The following PDXDC1 variants were observed in gnomAD, a reference collection of about 807,000 sequenced individuals.
PDXDC1 encodes pyridoxal dependent decarboxylase domain containing 1, also known as pyridoxal-dependent decarboxylase domain-containing protein 1.
In PDXDC1, 42 loss-of-function variants were observed where a neutral mutation model predicts 100.1. The observed-to-expected ratio is 0.42, with a 90% CI of 0.33 to 0.54. The LOEUF is 0.54. PDXDC1 is among the 20% of genes least tolerant of loss of function. PDXDC1 has a pLI of 0.10. For missense variants in PDXDC1, 636 were observed against 979.2 expected, an observed-to-expected ratio of 0.65 and a Z score of 4.68; for synonymous variants, 260 against 371.7, an observed-to-expected ratio of 0.70 and a Z score of 3.46.
At chr16:15,074,964 A>C in intron 16 of PDXDC1, 1 of 1,217,672 alleles carries the variant, frequency 8.2e-7, no homozygotes. Context: ...AGATAAAACA[A>C]AGAGGCTGGG....
At chr16:15,147,453 A>G in the PDXDC1 span, among the ~76,000 whole-genome samples, 4 of 152,208 alleles carry the variant, frequency 2.6e-5, no homozygotes, top group Non-Finnish European at 4.4e-5. Flanking sequence ...GTGATGAGCT[A>G]TGGAGAGACA....
At chr16:14,985,742 C>T (rs1220087072) in intron 1 of PDXDC1, among the ~76,000 whole-genome samples, 2 of 152,266 alleles carry the variant, frequency 1.3e-5, no homozygotes, top group Non-Finnish European at 2.9e-5. Context: ...TGTAATATTT[C>T]TTCTGGTAGT....
At chr16:15,035,074 C>A (rs768660289) in intron 21 of PDXDC1, among the ~76,000 whole-genome samples, 1 of 152,152 alleles carries the variant, frequency 6.6e-6, no homozygotes, top group African/African-American at 2.4e-5. Context: ...CACTCGAGCC[C>A]CTTCCTTCAT....
chr16:15,137,809 A>G (rs2048397695), intron 16 of PDXDC1: 7 of 1,581,776 alleles, frequency 4.4e-6, no homozygotes, highest in Non-Finnish European at 6.0e-6. Flanking sequence ...CCAGGGAGTC[A>G]GGCCCAGCAC....
intron 16 of PDXDC1, chr16:15,060,100 T>C: frequency 3.0e-6 from 1 of 337,762 alleles, no homozygotes; most frequent in South Asian, 2.4e-5. Context: ...TGTTTCATTT[T>C]CACCATGGAT....
chr16:15,032,177 C>CA (rs1326264607), intron 17 of PDXDC1: 1 of 489,366 alleles, frequency 2.0e-6, no homozygotes, highest in Non-Finnish European at 3.7e-6. Context: ...AGGTATATAT[C>CA]ACTCACTGAG....
chr16:15,097,688 C>T (rs562466054), intron 16 of PDXDC1, among the ~76,000 whole-genome samples: 1 of 151,662 alleles, frequency 6.6e-6, no homozygotes, highest in African/African-American at 2.4e-5. Context: ...ACATATCGCC[C>T]AATTTAAGAA....
chr16:14,982,799 GA>G (rs1968299775), intron 1 of PDXDC1, among the ~76,000 whole-genome samples: 1 of 152,256 alleles, frequency 6.6e-6, no homozygotes, highest in African/African-American at 2.4e-5. Flanking sequence ...GGTGTTTGGG[GA>G]ACTTGTTTAA....
At chr16:15,125,652 A>T in intron 16 of PDXDC1, 3 of 1,258,010 alleles carry the variant, frequency 2.4e-6, no homozygotes, top group South Asian at 1.2e-5. Flanking sequence ...AGGCGGCAGG[A>T]CCCCCAGCCC....
chr16:15,038,204 A>G lies in PDXDC1; in HGVS notation c.*1929A>G. 1 of 1,611,922 alleles carries G rather than the reference A, an allele frequency of 6.2e-7. No individual in the cohort carries two copies. The highest frequency in any genetic ancestry group is 8.5e-7 in the Non-Finnish European group (1 of 1,178,966). On this transcript the variant is annotated 3_prime_UTR_variant, in exon 23 of 23. Coordinates refer to ENST00000396410, the MANE Select transcript of PDXDC1 (RefSeq NM_015027.4). ...GGTGGCTCAGCCAGAGGCGAAGTGG[A>G]AAGATTCTGAAAACACAAGATGGTG...
chr16:15,044,733 T>G, intron 16 of PDXDC1: 1 of 314,594 alleles, frequency 3.2e-6, no homozygotes, highest in African/African-American at 2.1e-5. Context: ...TCTGTAATCC[T>G]AGCACTTTGG....
intron 16 of PDXDC1, among the ~76,000 whole-genome samples, chr16:15,091,098 T>G (rs1339023235): frequency 6.6e-6 from 1 of 152,036 alleles, no homozygotes; most frequent in East Asian, 1.9e-4. Context: ...TAGATGCCAG[T>G]AGCACCCTTT....
At chr16:15,150,331 A>C in the PDXDC1 span, among the ~76,000 whole-genome samples, 1 of 149,416 alleles carries the variant, frequency 6.7e-6, no homozygotes, top group Non-Finnish European at 1.5e-5. Context: ...ACAGAGTGAG[A>C]CTCCATCTCA....
At chr16:15,072,696 T>C (rs1185264945) in intron 16 of PDXDC1, among the ~76,000 whole-genome samples, 4 of 151,832 alleles carry the variant, frequency 2.6e-5, no homozygotes, top group Admixed American at 2.6e-4. Flanking sequence ...ATCGAGAGGG[T>C]AAGGACTGAG....
chr16:15,098,383 T>C (rs954450860), intron 16 of PDXDC1, among the ~76,000 whole-genome samples: 1 of 151,596 alleles, frequency 6.6e-6, no homozygotes, highest in Admixed American at 6.6e-5. Context: ...GTATTTTTAG[T>C]AGAGATGGGG....
downstream of PDXDC1, among the ~76,000 whole-genome samples, chr16:15,141,760 G>A (rs1407045964): frequency 2.0e-5 from 3 of 152,236 alleles, no homozygotes; most frequent in Non-Finnish European, 2.9e-5. Flanking sequence ...GCCGTGGGGT[G>A]GGACAGGGTG....
At chr16:15,045,844 A>G (rs905981583) in intron 16 of PDXDC1, 1 of 152,222 alleles carries the variant, frequency 6.6e-6, no homozygotes, top group Non-Finnish European at 1.5e-5. Flanking sequence ...CTGCCTTCTC[A>G]GACACAAAAT....
At chr16:15,090,885 T>G (rs1373856439) in intron 16 of PDXDC1, among the ~76,000 whole-genome samples, 2 of 151,898 alleles carry the variant, frequency 1.3e-5, no homozygotes, top group Non-Finnish European at 2.9e-5. Context: ...TTTTTTTTTT[T>G]TTTTGCTTTG....
intron 1 of PDXDC1, chr16:14,990,068 C>T (rs1970395268): frequency 1.3e-6 from 2 of 1,495,258 alleles, no homozygotes; most frequent in Non-Finnish European, 1.8e-6. Context: ...ACCACAGAAG[C>T]AGCAGTAGGA....
Sources: gnomAD v4.1 joint callset for allele counts (sites outside exome capture counted in the v4.1 genomes callset) on GRCh38, gnomAD v4.1.1 for gene constraint, MANE v1.5 for transcripts, NCBI Gene and HGNC (gene_info 2026-07-23, HGNC 2026-07-21) for gene names.